The following TMEM26 variants were observed in gnomAD, a reference collection of about 807,000 sequenced individuals.
TMEM26 encodes transmembrane protein 26.
A neutral mutation model predicts 28.8 loss-of-function variants in TMEM26; 38 were observed. The ratio of observed to expected loss-of-function variants is 1.32; its 90% confidence interval spans 1.02 to 1.73. The LOEUF is 1.73. Among genes scored for constraint, TMEM26 ranks in the 40% most tolerant of loss-of-function variants. TMEM26 has a pLI of 0.00. For missense variants in TMEM26, 518 were observed against 447.1 expected, an observed-to-expected ratio of 1.16 and a Z score of -1.43; for synonymous variants, 227 against 182.9, an observed-to-expected ratio of 1.24 and a Z score of -1.95.
intron 1 of TMEM26, among the ~76,000 whole-genome samples, chr10:61,450,237 G>T (rs11593515): frequency 9.1e-4 from 139 of 152,110 alleles, no homozygotes; most frequent in Non-Finnish European, 1.7e-3. Context: ...CTATATAGAG[G>T]TATAGATGTT....
chr10:61,445,133 G>T (rs973907333), intron 1 of TMEM26, among the ~76,000 whole-genome samples: 1 of 152,202 alleles, frequency 6.6e-6, no homozygotes, highest in Non-Finnish European at 1.5e-5. Flanking sequence ...AAAGAAAGCA[G>T]GCTGTAGCAT....
At chr10:61,410,858 G>A (rs2135283808) in intron 5 of TMEM26, 112 bp from the exon 6 acceptor site, 1 of 1,077,080 alleles carries the variant, frequency 9.3e-7, no homozygotes, top group African/African-American at 1.6e-5. Flanking sequence ...ATAATTCTGT[G>A]ATTTAATTAC....
At chr10:61,435,710 C>A (rs1839994075) in intron 2 of TMEM26, among the ~76,000 whole-genome samples, 1 of 152,278 alleles carries the variant, frequency 6.6e-6, no homozygotes, top group Non-Finnish European at 1.5e-5. Context: ...AGTTTAATTG[C>A]ATTTATATAG....
At chr10:61,430,571 C>CAAA (rs34623859) in intron 3 of TMEM26, among the ~76,000 whole-genome samples, 5 of 96,418 alleles carry the variant, frequency 5.2e-5, no homozygotes, top group East Asian at 6.3e-4. Context: ...AAAGAACTGA[C>CAAA]AAAAAAAAAA....
chr10:61,443,817 C>G (rs529579113), intron 1 of TMEM26, among the ~76,000 whole-genome samples: 1 of 152,282 alleles, frequency 6.6e-6, no homozygotes, highest in Admixed American at 6.5e-5. Context: ...AAAGCAAGCA[C>G]AAGCTTTATT....
chr10:61,414,456 A>T, intron 4 of TMEM26: 1 of 152,098 alleles, frequency 6.6e-6, no homozygotes, highest in Non-Finnish European at 1.5e-5. Context: ...AGGTGATTGT[A>T]AGGGATATCT....
In TMEM26 at chr10:61,429,028, C is replaced by G; in HGVS notation, c.503G>C (p.Gly168Ala). 6.2e-7 allele frequency: 1 copy of G among 1,613,236 alleles called. No homozygotes were observed. The highest frequency in any genetic ancestry group is 8.5e-7 in the Non-Finnish European group (1 of 1,179,470). ...IGRWLLPIGG[G>A]ITRDQLSQLL... ...TTGAGAGAGTTGATCTCGAGTGATC[C>G]CGCCTCCAATGGGTAGAAGCCATCT... Residue 168 changes from glycine to alanine, a missense_variant, in exon 4 of 6, where the codon GGG (glycine) becomes GCG (alanine). Transcript: ENST00000399298.
intron 4 of TMEM26, among the ~76,000 whole-genome samples, chr10:61,420,723 TAA>T (rs200958809): frequency 2.4e-3 from 344 of 142,404 alleles, no homozygotes; most frequent in African/African-American, 8.1e-3. Context: ...ATTTCCAGAT[TAA>T]AAAAAAAAAA....
In TMEM26 at chr10:61,410,249, G is replaced by T; in HGVS notation, c.*73C>A. The T allele has an allele frequency of 6.9e-7, 1 of 1,441,772 alleles. No homozygotes were observed. Among genetic ancestry groups the T allele is most frequent in the Non-Finnish European group, 9.4e-7 (1 of 1,068,730 alleles). The allele number at this position is 1,441,772 out of a possible 1,614,324, so 89.3% of individuals were successfully genotyped here. A position where few individuals can be genotyped will look rare whatever the true frequency, so the allele number is the denominator to read the frequency against. ...AAAATTATTATACGCCAAGGTTGGA[G>T]GAGAAAAAGGATCCTCCCTGTAAGA... On this transcript the variant is annotated 3_prime_UTR_variant, in exon 6 of 6. Coordinates refer to ENST00000399298, the MANE Select transcript of TMEM26 (RefSeq NM_178505.8).
chr10:61,416,267 A>G (rs1839651024), intron 4 of TMEM26: 3 of 357,106 alleles, frequency 8.4e-6, no homozygotes, highest in Non-Finnish European at 1.6e-5. Flanking sequence ...CCTGCAAGGC[A>G]GTAGAAAGCA....
At chr10:61,419,817 T>A (rs1036299121) in intron 4 of TMEM26, among the ~76,000 whole-genome samples, 1 of 151,960 alleles carries the variant, frequency 6.6e-6, no homozygotes, top group African/African-American at 2.4e-5. Flanking sequence ...AATTTACAGG[T>A]GTAAGAAGAT....
intron 5 of TMEM26, among the ~76,000 whole-genome samples, chr10:61,411,680 T>G (rs1002938588): frequency 6.6e-6 from 1 of 152,208 alleles, no homozygotes; most frequent in African/African-American, 2.4e-5. Flanking sequence ...GATTTTCCAG[T>G]TAAACAAAAG....
At chr10:61,432,843 C>T (rs549867701) in intron 2 of TMEM26, among the ~76,000 whole-genome samples, 8 of 151,948 alleles carry the variant, frequency 5.3e-5, no homozygotes, top group Non-Finnish European at 1.2e-4. Context: ...GGCCATATTC[C>T]ATATCTGTAG....
intron 1 of TMEM26, among the ~76,000 whole-genome samples, chr10:61,451,567 T>G (rs2135343264): frequency 6.6e-6 from 1 of 152,324 alleles, no homozygotes; most frequent in Non-Finnish European, 1.5e-5. Context: ...TGAGGCTTAC[T>G]TGGGAAACTA....
At chr10:61,447,179 C>T (rs935926635) in intron 1 of TMEM26, among the ~76,000 whole-genome samples, 1 of 152,206 alleles carries the variant, frequency 6.6e-6, no homozygotes, top group African/African-American at 2.4e-5. Flanking sequence ...CCCTCTATCT[C>T]ATCCTCTCTG....
chr10:61,431,580 G>T (rs1839923986), intron 2 of TMEM26, among the ~76,000 whole-genome samples: 1 of 152,082 alleles, frequency 6.6e-6, no homozygotes, highest in Admixed American at 6.6e-5. Context: ...AATGCTCTGA[G>T]TCATTGCAGA....
chr10:61,452,403 A>T (rs1425939256), intron 1 of TMEM26, among the ~76,000 whole-genome samples: 1 of 152,350 alleles, frequency 6.6e-6, no homozygotes, highest in Non-Finnish European at 1.5e-5. Context: ...ACGTGCAGCG[A>T]GGGTCTTCTC....
At chr10:61,431,377 C>T (rs985099208) in intron 2 of TMEM26, 45 bp from the exon 3 acceptor site, 1 of 1,390,122 alleles carries the variant, frequency 7.2e-7, no homozygotes, top group Non-Finnish European at 1.0e-6. Context: ...AAAATTAGCA[C>T]AATATGGTAG....
intron 2 of TMEM26, among the ~76,000 whole-genome samples, chr10:61,432,618 A>G (rs906752225): frequency 6.6e-6 from 1 of 152,008 alleles, no homozygotes; most frequent in Non-Finnish European, 1.5e-5. Flanking sequence ...CCACACATCC[A>G]CGATCACACA....
Sources: allele counts gnomAD v4.1 joint callset (sites outside exome capture counted in the v4.1 genomes callset), GRCh38; gene constraint gnomAD v4.1.1; transcripts MANE v1.5; gene names NCBI Gene and HGNC (gene_info 2026-07-23, HGNC 2026-07-21).